The following COX7B2 variants were observed in gnomAD, a reference collection of about 807,000 sequenced individuals.
The protein encoded by COX7B2 is cytochrome c oxidase subunit 7B2, also known as cytochrome c oxidase subunit 7B2, mitochondrial.
For missense variants in COX7B2, 109 were observed against 95.9 expected (o/e 1.14, Z -0.57); for synonymous variants, 37 against 32.1 (o/e 1.15, Z -0.51).
chr4:46,889,016 G>T (rs1420973115), intron 1 of COX7B2, among the ~76,000 whole-genome samples: 1 of 152,106 alleles, frequency 6.6e-6, no homozygotes, highest in Non-Finnish European at 1.5e-5. Context: ...AATGCTTGAG[G>T]GGATGGATAC....
intron 2 of COX7B2, among the ~76,000 whole-genome samples, chr4:46,808,923 G>C (rs1328209056): frequency 6.6e-6 from 1 of 151,824 alleles, no homozygotes; most frequent in Non-Finnish European, 1.5e-5. Context: ...TGCTGGATTT[G>C]ATTTGCTAAT....
intron 1 of COX7B2, among the ~76,000 whole-genome samples, chr4:46,888,294 T>C (rs1170204520): frequency 6.6e-6 from 1 of 152,182 alleles, no homozygotes; most frequent in Non-Finnish European, 1.5e-5. Context: ...CACATTTAAA[T>C]CTTGGCCCAT....
At chr4:46,758,206 A>G (rs1462897579) in intron 2 of COX7B2, among the ~76,000 whole-genome samples, 1 of 152,126 alleles carries the variant, frequency 6.6e-6, no homozygotes, top group Non-Finnish European at 1.5e-5. Flanking sequence ...ATTCAATCAG[A>G]ATTCTGTGAA....
At chr4:46,788,005 G>A (rs1717841270) in intron 2 of COX7B2, among the ~76,000 whole-genome samples, 1 of 152,012 alleles carries the variant, frequency 6.6e-6, no homozygotes, top group African/African-American at 2.4e-5. Flanking sequence ...TAGCTTTCTT[G>A]TATGTAGTTT....
At chr4:46,807,762 C>T (rs906856780) in intron 2 of COX7B2, among the ~76,000 whole-genome samples, 1 of 151,760 alleles carries the variant, frequency 6.6e-6, no homozygotes, top group African/African-American at 2.4e-5. Flanking sequence ...TTTCCCAGCA[C>T]CATCTTTTAA....
At chr4:46,739,088 G>T (rs1014362703) in intron 2 of COX7B2, among the ~76,000 whole-genome samples, 2 of 152,182 alleles carry the variant, frequency 1.3e-5, no homozygotes, top group South Asian at 4.1e-4. Context: ...TAAAACAACA[G>T]TGTAGTAAGG....
At chr4:46,777,816 T>C (rs1456416542) in intron 2 of COX7B2, among the ~76,000 whole-genome samples, 1 of 152,128 alleles carries the variant, frequency 6.6e-6, no homozygotes, top group Non-Finnish European at 1.5e-5. Flanking sequence ...ACTAAACTTC[T>C]TCATGCTTCA....
chr4:46,759,806 C>CTT (rs1352811673), intron 2 of COX7B2, among the ~76,000 whole-genome samples: 1 of 148,702 alleles, frequency 6.7e-6, no homozygotes, highest in Non-Finnish European at 1.5e-5. Context: ...TAAGTCATAT[C>CTT]TTATATAAGT....
Position 46,837,717 on chromosome 4 carries a change from A to G in COX7B2, c.-50+7243T>C, listed in dbSNP as rs58897235. 1.9e-3 allele frequency among the ~76,000 whole-genome samples: 285 copies of G among 152,204 alleles called. 1 individual carries two copies. Among genetic ancestry groups the G allele is most frequent in the African/African-American group, 6.4e-3 (266 of 41,554 alleles). ...AAAAAATAAAAATAAGGATAAGATAACACTTTTAGAAAACTAATAGCAATT... is the reference window on the plus strand; with the variant it reads ...AAAAAATAAAAATAAGGATAAGATAGCACTTTTAGAAAACTAATAGCAATT... On this transcript the variant is annotated intron_variant, in intron 2 of 2. Transcript: ENST00000355591.
intron 2 of COX7B2, among the ~76,000 whole-genome samples, chr4:46,825,730 A>C (rs1444293093): frequency 1.3e-5 from 2 of 152,156 alleles, no homozygotes; most frequent in East Asian, 1.9e-4. Flanking sequence ...ATAAGGCCAC[A>C]CCCACAACTA....
intron 2 of COX7B2, among the ~76,000 whole-genome samples, chr4:46,827,041 G>A (rs1010424631): frequency 3.3e-5 from 5 of 152,076 alleles, no homozygotes; most frequent in Admixed American, 6.6e-5. Context: ...TTAATGGATT[G>A]AATAAAATTT....
At chr4:46,769,138 A>T (rs913681356) in intron 2 of COX7B2, among the ~76,000 whole-genome samples, 16 of 152,042 alleles carry the variant, frequency 1.1e-4, no homozygotes, top group African/African-American at 2.4e-4. Context: ...TAATAATAAA[A>T]TTTTTTTAAA....
rs554115006 is a variant in COX7B2 at position 46,748,659 on chromosome 4, T to G, written c.-49-13418A>C. 3.3e-5 allele frequency among the ~76,000 whole-genome samples: 5 copies of G among 152,308 alleles called. No homozygotes were observed. In the Middle Eastern group the frequency reaches 0.01, roughly 311 times the overall value. ...ACATTTTAGATCACTTTTCTTGACTTTTCACTGCAATAATACCAATTATTT... is the reference window on the plus strand; with the variant it reads ...ACATTTTAGATCACTTTTCTTGACTGTTCACTGCAATAATACCAATTATTT... On this transcript the variant is annotated intron_variant, in intron 2 of 2. Coordinates refer to ENST00000355591, the MANE Select transcript of COX7B2 (RefSeq NM_130902.3).
intron 2 of COX7B2, among the ~76,000 whole-genome samples, chr4:46,764,496 TCAG>T (rs1716409772): frequency 6.6e-6 from 1 of 151,856 alleles, no homozygotes; most frequent in Admixed American, 6.6e-5. Flanking sequence ...TGAGCCGAGA[TCAG>T]GCCACTGCAC....
In COX7B2 at chr4:46,772,312, G is replaced by T. The variant is rs188942535; in HGVS notation, c.-49-37071C>A. 9.7e-4 allele frequency among the ~76,000 whole-genome samples: 147 copies of T among 152,216 alleles called. 2 individuals carry two copies. The highest frequency in any genetic ancestry group is 1.0e-4 in the Non-Finnish European group (7 of 67,988). ...TGGGGTGTGGGGGAAATGGGGAGTT[G>T]CAAGTCAAAGGGCACAAAGTATCAG... On this transcript the variant is annotated intron_variant, in intron 2 of 2. Coordinates refer to ENST00000355591, the MANE Select transcript of COX7B2 (RefSeq NM_130902.3).
At chr4:46,740,171 C>T (rs1714619045) in intron 2 of COX7B2, among the ~76,000 whole-genome samples, 1 of 151,904 alleles carries the variant, frequency 6.6e-6, no homozygotes, top group South Asian at 2.1e-4. Context: ...ATGGATGCAG[C>T]TTTTATGTTA....
chr4:46,760,572 G>A (rs932749967), intron 2 of COX7B2, among the ~76,000 whole-genome samples: 1 of 152,068 alleles, frequency 6.6e-6, no homozygotes, highest in African/African-American at 2.4e-5. Flanking sequence ...ATGGGGGTCT[G>A]GGGGAGGGAT....
chr4:46,769,390 A>G (rs1248507447), intron 2 of COX7B2, among the ~76,000 whole-genome samples: 1 of 152,216 alleles, frequency 6.6e-6, no homozygotes, highest in East Asian at 1.9e-4. Flanking sequence ...CTGAAATGCA[A>G]CAATGGTTCA....
chr4:46,888,845 C>G (rs1719249761), intron 1 of COX7B2, among the ~76,000 whole-genome samples: 2 of 152,148 alleles, frequency 1.3e-5, no homozygotes, highest in South Asian at 4.1e-4. Context: ...TGTAATCCCT[C>G]ATTCTGTATG....
Sources: gnomAD v4.1 joint callset for allele counts (sites outside exome capture counted in the v4.1 genomes callset) on GRCh38, gnomAD v4.1.1 for gene constraint, MANE v1.5 for transcripts, NCBI Gene and HGNC (gene_info 2026-07-23, HGNC 2026-07-21) for gene names.